Variants in CNTNAP5 observed in about 807,000 individuals in gnomAD.
The protein encoded by CNTNAP5 is contactin-associated protein-like 5.
Under a neutral mutation model 150.2 loss-of-function variants are expected in CNTNAP5, and 72 were observed. That is an observed-to-expected ratio of 0.48 (90% CI 0.40 to 0.58). The LOEUF is 0.58. CNTNAP5 is among the 20% of genes least tolerant of loss of function. The pLI, the probability that CNTNAP5 is intolerant of heterozygous loss-of-function variation, is 0.00. For missense variants in CNTNAP5, 1,636 were observed against 1,626.2 expected (o/e 1.01, Z -0.10); for synonymous variants, 672 against 619.8 (o/e 1.08, Z -1.25).
intron 1 of CNTNAP5, among the ~76,000 whole-genome samples, chr2:124,183,203 A>G (rs551190487): frequency 1.8e-4 from 28 of 152,268 alleles, no homozygotes; most frequent in African/African-American, 5.1e-4. Flanking sequence ...TAAACATTCC[A>G]TTAGTGGTAG....
rs75990132 is a variant in CNTNAP5 at position 124,737,527 on chromosome 2, C to T, written c.2078-9702C>T. 1.2e-3 allele frequency among the ~76,000 whole-genome samples: 190 copies of T among 152,142 alleles called. 1 individual carries two copies. Among genetic ancestry groups the T allele is most frequent in the African/African-American group, 3.7e-3 (153 of 41,514 alleles). Reference sequence around the variant, plus strand: ...GCACAGGCTGGATTGTGGAATAAGACGTAAGGCTGAGAAATCTGCAGGACC... The same window carrying T: ...GCACAGGCTGGATTGTGGAATAAGATGTAAGGCTGAGAAATCTGCAGGACC... On this transcript the variant is annotated intron_variant, in intron 13 of 23. Transcript: ENST00000682447.
At chr2:124,605,164 C>T (rs1174591883) in intron 11 of CNTNAP5, among the ~76,000 whole-genome samples, 1 of 152,236 alleles carries the variant, frequency 6.6e-6, no homozygotes, top group East Asian at 1.9e-4. Flanking sequence ...TACCACCACC[C>T]AGCCTGGCTG....
intron 12 of CNTNAP5, among the ~76,000 whole-genome samples, chr2:124,621,832 G>T (rs1262797205): frequency 6.6e-6 from 1 of 152,074 alleles, no homozygotes; most frequent in African/African-American, 2.4e-5. Context: ...TGTTAATTTT[G>T]CCAGCTGTAT....
chr2:124,474,774 T>G lies in CNTNAP5; in HGVS notation c.954T>G (p.Pro318=). 15 of 1,598,470 alleles carry G rather than the reference T, an allele frequency of 9.4e-6. No individual in the cohort carries two copies. Among genetic ancestry groups the G allele is most frequent in the Non-Finnish European group, 1.3e-5 (15 of 1,173,536 alleles). Residue 318 remains proline (P), a synonymous_variant, in exon 7 of 24, where the codon CCT becomes CCG. Transcript: ENST00000682447. The stretch of plus-strand genomic sequence containing the variant: ...GAGGAATTCCAGTACCAGGAAAACC[T>G]GGGACCTTTTTAAAGAAAAACTTCC... The part of the protein sequence containing the change: ...SFGGIPVPGK[P]GTFLKKNFHG...
At chr2:124,448,370 T>G (rs1038916988) in intron 6 of CNTNAP5, among the ~76,000 whole-genome samples, 12 of 152,174 alleles carry the variant, frequency 7.9e-5, no homozygotes, top group African/African-American at 2.9e-4. Flanking sequence ...TTCACTATAT[T>G]ATATCGATTT....
intron 14 of CNTNAP5, among the ~76,000 whole-genome samples, chr2:124,755,946 G>C (rs940867913): frequency 2.0e-5 from 3 of 152,100 alleles, no homozygotes; most frequent in African/African-American, 7.2e-5. Context: ...GTCATTTAGC[G>C]TCTCTGAGCT....
intron 3 of CNTNAP5, among the ~76,000 whole-genome samples, chr2:124,284,191 G>T (rs981963016): frequency 6.6e-6 from 1 of 152,166 alleles, no homozygotes; most frequent in Admixed American, 6.6e-5. Flanking sequence ...GTTTAGCAGA[G>T]GAACCAGATA....
At chr2:124,725,875 T>G (rs1240592222) in intron 13 of CNTNAP5, among the ~76,000 whole-genome samples, 3 of 152,084 alleles carry the variant, frequency 2.0e-5, no homozygotes, top group Non-Finnish European at 4.4e-5. Context: ...ATTCATGTCA[T>G]TGGAAATGGC....
chr2:124,716,276 T>C (rs1679943285), intron 13 of CNTNAP5, among the ~76,000 whole-genome samples: 2 of 152,198 alleles, frequency 1.3e-5, no homozygotes, highest in Admixed American at 1.3e-4. Context: ...GTAATAACCC[T>C]AAATGTGTGG....
chr2:124,798,888 CAG>C (rs1191631986), intron 19 of CNTNAP5, among the ~76,000 whole-genome samples: 4 of 151,922 alleles, frequency 2.6e-5, no homozygotes, highest in South Asian at 2.1e-4. Context: ...TATTTTGAAA[CAG>C]AAAGATTTGG....
At chr2:124,128,400 AG>A (rs1683765509) in intron 1 of CNTNAP5, among the ~76,000 whole-genome samples, 1 of 152,208 alleles carries the variant, frequency 6.6e-6, no homozygotes, top group African/African-American at 2.4e-5. Context: ...ATCATTAAAA[AG>A]TCAGGAAAGA....
At chr2:124,410,711 C>A (rs1691732571) in intron 3 of CNTNAP5, among the ~76,000 whole-genome samples, 1 of 151,760 alleles carries the variant, frequency 6.6e-6, no homozygotes, top group Admixed American at 6.6e-5. Flanking sequence ...ACCAGAATCT[C>A]TGGGACGCAT....
chr2:124,029,449 C>G (rs1390328009), intron 1 of CNTNAP5, among the ~76,000 whole-genome samples: 1 of 151,982 alleles, frequency 6.6e-6, no homozygotes, highest in Admixed American at 6.6e-5. Flanking sequence ...CCTATGAGCT[C>G]TTTTTCCTTT....
At chr2:124,753,390 G>A (rs1418373420) in intron 14 of CNTNAP5, among the ~76,000 whole-genome samples, 1 of 152,144 alleles carries the variant, frequency 6.6e-6, no homozygotes, top group African/African-American at 2.4e-5. Context: ...CTGTTAGACA[G>A]ATTTTTACCA....
intron 6 of CNTNAP5, among the ~76,000 whole-genome samples, chr2:124,457,526 A>T (rs1292363129): frequency 6.6e-6 from 1 of 152,022 alleles, no homozygotes; most frequent in Non-Finnish European, 1.5e-5. Flanking sequence ...TTTTTTTATT[A>T]GGAAAATGTC....
rs748237828 is a variant in CNTNAP5 at position 124,772,969 on chromosome 2, T to G, written c.2704T>G (p.Ser902Ala). ...CCTTCCAAGGAGCACCAGGGAGACG[T>G]CGGAGGAGGGCCATTTTCGACTGCA... The part of the protein sequence containing the change: ...DNLPRSTRET[S>A]EEGHFRLQLN... The change falls in exon 17 of 24, where the codon TCG (serine) becomes GCG (alanine). Residue 902 changes from serine to alanine, a missense_variant. Physicochemically the swap from Ser to Ala is moderately conservative, Grantham distance 99 (BLOSUM62 1). Transcript: ENST00000682447. 1.9e-6 allele frequency: 3 copies of G among 1,613,606 alleles called. No individual in the cohort carries two copies. The East Asian group carries it at 6.7e-5, about 36-fold the overall frequency.
At chr2:124,786,586 A>G (rs1409956924) in intron 17 of CNTNAP5, among the ~76,000 whole-genome samples, 1 of 152,004 alleles carries the variant, frequency 6.6e-6, no homozygotes, top group Non-Finnish European at 1.5e-5. Context: ...GAAAGAAAAA[A>G]GAAAGAGAAA....
At chr2:124,891,278 C>T (rs1001772028) in intron 21 of CNTNAP5, among the ~76,000 whole-genome samples, 8 of 152,036 alleles carry the variant, frequency 5.3e-5, no homozygotes, top group African/African-American at 1.9e-4. Context: ...GCCTTTCTTG[C>T]TCCATTTAGT....
intron 17 of CNTNAP5, among the ~76,000 whole-genome samples, chr2:124,775,165 G>C (rs1456318568): frequency 1.3e-5 from 2 of 152,132 alleles, no homozygotes; most frequent in African/African-American, 4.8e-5. Context: ...TTCCTATTTA[G>C]AGTTCAGTGA....
Sources: allele counts gnomAD v4.1 joint callset (sites outside exome capture counted in the v4.1 genomes callset), GRCh38; gene constraint gnomAD v4.1.1; transcripts MANE v1.5; gene names NCBI Gene and HGNC (gene_info 2026-07-23, HGNC 2026-07-21).